Variants in GHR observed in about 807,000 individuals in gnomAD.
GHR encodes growth hormone receptor, also known as GH receptor.
In GHR, 35 loss-of-function variants were observed where a neutral mutation model predicts 67.1. That is an observed-to-expected ratio of 0.52 (90% CI 0.40 to 0.69). The LOEUF (loss-of-function observed/expected upper bound fraction) is 0.69. Among genes scored for constraint, GHR ranks in the 30% least tolerant of loss-of-function variants. The pLI, the probability that GHR is intolerant of heterozygous loss-of-function variation, is 0.00. For synonymous variants in GHR, 272 were observed against 269.1 expected (o/e 1.01, Z -0.10); for missense variants, 792 against 764.6 (o/e 1.04, Z -0.42).
At chr5:42,549,278 C>T (rs1196564687) in intron 1 of GHR, among the ~76,000 whole-genome samples, 2 of 152,212 alleles carry the variant, frequency 1.3e-5, no homozygotes, top group African/African-American at 4.8e-5. Flanking sequence ...AACAGAAGGA[C>T]ATTCTCCCAC....
intron 3 of GHR, among the ~76,000 whole-genome samples, chr5:42,640,049 C>A (rs1754388160): frequency 6.6e-6 from 1 of 152,092 alleles, no homozygotes; most frequent in Admixed American, 6.5e-5. Context: ...AGATAAGTAA[C>A]CTAACTGCCT....
chr5:42,473,980 GA>G (rs1745126725), intron 1 of GHR, among the ~76,000 whole-genome samples: 1 of 138,938 alleles, frequency 7.2e-6, no homozygotes, highest in Non-Finnish European at 1.6e-5. Context: ...TTGAGGTCAG[GA>G]GTTCAAAACC....
At chr5:42,700,116 C>T (rs955798095) in intron 6 of GHR, 114 bp downstream of exon 6, 1 of 702,428 alleles carries the variant, frequency 1.4e-6, no homozygotes, top group African/African-American at 1.8e-5. Flanking sequence ...GCTGTATGCT[C>T]CATAATTTCT....
chr5:42,548,466 T>C, intron 1 of GHR: 1 of 985,060 alleles, frequency 1.0e-6, no homozygotes, highest in Non-Finnish European at 1.2e-6. Flanking sequence ...GTTCTTGATA[T>C]AAAGCCTGGA....
chr5:42,593,310 G>A (rs1328465430), intron 2 of GHR, among the ~76,000 whole-genome samples: 1 of 152,058 alleles, frequency 6.6e-6, no homozygotes, highest in East Asian at 1.9e-4. Context: ...ATTTGTTTTT[G>A]TTTTATTTTG....
chr5:42,655,245 G>A (rs1451324224), intron 3 of GHR, among the ~76,000 whole-genome samples: 1 of 152,212 alleles, frequency 6.6e-6, no homozygotes, highest in East Asian at 1.9e-4. Flanking sequence ...ACGGGCAGAT[G>A]CTGCTCCTTT....
chr5:42,658,135 G>T (rs12515626), intron 3 of GHR, among the ~76,000 whole-genome samples: 32,749 of 151,978 alleles, frequency 0.22, 4,500 homozygotes, highest in Admixed American at 0.35. Flanking sequence ...TCAAGTACAG[G>T]ACTCTTAATT....
chr5:42,651,444 G>T (rs1755013451), intron 3 of GHR, among the ~76,000 whole-genome samples: 1 of 152,144 alleles, frequency 6.6e-6, no homozygotes, highest in Non-Finnish European at 1.5e-5. Flanking sequence ...GGTTTCAAAG[G>T]AGCAGTCCAG....
chr5:42,709,652 A>G (rs1178163125), intron 6 of GHR, among the ~76,000 whole-genome samples: 1 of 152,214 alleles, frequency 6.6e-6, no homozygotes, highest in Non-Finnish European at 1.5e-5. Context: ...GGAATTTACA[A>G]TGTAACATAG....
At chr5:42,526,599 C>T (rs1399577202) in intron 1 of GHR, among the ~76,000 whole-genome samples, 1 of 152,110 alleles carries the variant, frequency 6.6e-6, no homozygotes, top group Non-Finnish European at 1.5e-5. Flanking sequence ...CAATGCTGGG[C>T]TTTAAGACTT....
intron 6 of GHR, among the ~76,000 whole-genome samples, chr5:42,708,700 C>T (rs192911688): frequency 1.6e-3 from 250 of 152,224 alleles, no homozygotes; most frequent in African/African-American, 5.8e-3. Context: ...TCATTTCATC[C>T]CTAAAAGCCA....
intron 2 of GHR, among the ~76,000 whole-genome samples, chr5:42,571,527 T>C (rs1034731257): frequency 6.6e-6 from 1 of 152,196 alleles, no homozygotes; most frequent in Admixed American, 6.5e-5. Flanking sequence ...AGCAGAGCCA[T>C]GTGCTGGGCA....
At chr5:42,502,818 TTAATTA>T (rs1179497364) in intron 1 of GHR, among the ~76,000 whole-genome samples, 1 of 148,146 alleles carries the variant, frequency 6.8e-6, no homozygotes, top group Admixed American at 6.7e-5. Flanking sequence ...TATTAATTTA[TTAATTA>T]TAATTATATT....
chr5:42,547,896 T>C (rs1397935698), intron 1 of GHR: 1 of 156,282 alleles, frequency 6.4e-6, no homozygotes, highest in African/African-American at 2.4e-5. Flanking sequence ...TTGGGGTACT[T>C]TAATGAGGTA....
intron 1 of GHR, among the ~76,000 whole-genome samples, chr5:42,506,748 A>C (rs149193468): frequency 6.6e-6 from 1 of 152,342 alleles, no homozygotes; most frequent in African/African-American, 2.4e-5. Context: ...ATAAGAGCCT[A>C]TTAGAATTAT....
intron 1 of GHR, among the ~76,000 whole-genome samples, chr5:42,509,752 A>G (rs1343967674): frequency 2.0e-5 from 3 of 146,594 alleles, no homozygotes; most frequent in African/African-American, 5.1e-5. Context: ...TTACACGTCT[A>G]CCTCTATTAG....
At chr5:42,595,126 G>A (rs1307926731) in intron 2 of GHR, among the ~76,000 whole-genome samples, 1 of 152,078 alleles carries the variant, frequency 6.6e-6, no homozygotes, top group East Asian at 1.9e-4. Flanking sequence ...TTAGACAGAG[G>A]CCAAAATGTG....
chr5:42,429,331 G>C (rs867454091), intron 1 of GHR, among the ~76,000 whole-genome samples: 2 of 152,110 alleles, frequency 1.3e-5, no homozygotes, highest in African/African-American at 2.4e-5. Context: ...CCTCCCACTG[G>C]GTTCCTCCCA....
chr5:42,584,444 C>T (rs1404356036), intron 2 of GHR, among the ~76,000 whole-genome samples: 1 of 152,144 alleles, frequency 6.6e-6, no homozygotes, highest in East Asian at 1.9e-4. Context: ...ATGCCGTATA[C>T]TCCCTCAAGC....
Sources: allele counts gnomAD v4.1 joint callset (sites outside exome capture counted in the v4.1 genomes callset), GRCh38; gene constraint gnomAD v4.1.1; transcripts MANE v1.5; gene names NCBI Gene and HGNC (gene_info 2026-07-23, HGNC 2026-07-21).